EXOSC10: variants seen among roughly 807,000 people sequenced by gnomAD.
EXOSC10 encodes the protein exosome component 10, also known as exosome complex component 10.
A neutral mutation model predicts 126.6 loss-of-function variants in EXOSC10; 94 were observed. The ratio of observed to expected loss-of-function variants is 0.74; its 90% CI spans 0.63 to 0.88. The LOEUF is 0.88. EXOSC10 is among the 40% of genes least tolerant of loss of function. The probability of loss-of-function intolerance (pLI) is 0.00; values close to 1 mark genes in which losing one functional copy is unlikely to be tolerated. For synonymous variants in EXOSC10, 395 were observed against 400.8 expected (o/e 0.99, Z 0.17); for missense variants, 1,041 against 1,100.5 (o/e 0.95, Z 0.77).
intron 19 of EXOSC10, chr1:11,073,225 C>G (rs1047415674): frequency 6.6e-6 from 1 of 152,218 alleles, no homozygotes; most frequent in African/African-American, 2.4e-5. Context: ...CTCCGCCCCC[C>G]AGGTTCAAGC....
At chr1:11,076,778 C>A in intron 17 of EXOSC10, 64 bp downstream of exon 17, 1 of 1,254,920 alleles carries the variant, frequency 8.0e-7, no homozygotes, top group Non-Finnish European at 1.2e-6. Flanking sequence ...AGACAGCCTG[C>A]TGAATAAATC....
Position 11,069,585 on chromosome 1 carries a change from CT to C in EXOSC10, c.2461del (p.Ser821AlafsTer?), listed in dbSNP as rs1233924646. ...PEKEFTPYDY[S>X]QSDFKAFAGN... ...AGCAAAAGCCTTGAAGTCTGACTGG[CT>C]GTAGTCGTAAGGCGTAAACTCTTTT... is the stretch of plus-strand genomic sequence containing the variant. On this transcript the variant is annotated frameshift_variant, in exon 22 of 25. Coordinates refer to ENST00000376936, the MANE Select transcript of EXOSC10 (RefSeq NM_001001998.3). LOFTEE classifies it high-confidence loss of function. 6.2e-7 allele frequency: 1 copy of C among 1,613,596 alleles called. No homozygotes were observed. Among genetic ancestry groups the C allele is most frequent in the Non-Finnish European group, 8.5e-7 (1 of 1,179,980 alleles).
intron 3 of EXOSC10, among the ~76,000 whole-genome samples, chr1:11,093,026 G>C (rs1640887426): frequency 6.6e-6 from 1 of 151,970 alleles, no homozygotes; most frequent in Non-Finnish European, 1.5e-5. Context: ...TTATAATATA[G>C]GTTTATTGAG....
At chr1:11,076,413 A>C (rs1639819995) in intron 17 of EXOSC10, among the ~76,000 whole-genome samples, 1 of 152,148 alleles carries the variant, frequency 6.6e-6, no homozygotes, top group Non-Finnish European at 1.5e-5. Flanking sequence ...GTCAGGCAGG[A>C]AGCTATGGGC....
In EXOSC10 at chr1:11,066,736, G is replaced by T. The variant is rs1370949520; in HGVS notation, c.2640C>A (p.Tyr880Ter). ...TCCAGGACTATCTCTGTGGCCAGTTGTACCTGAAGCCTCTGCAGAGAGTAC... is the reference window on the plus strand; with the variant it reads ...TCCAGGACTATCTCTGTGGCCAGTTTTACCTGAAGCCTCTGCAGAGAGTAC... ...PTGKSDRGFR[Y>*]NWPQR is the part of the protein sequence containing the mutation. The change falls in exon 25 of 25, where the codon TAC becomes TAA. Residue 880 changes from tyrosine to a stop codon, truncating the protein, a stop_gained. Coordinates refer to ENST00000376936, the MANE Select transcript of EXOSC10 (RefSeq NM_001001998.3). LOFTEE classifies it high-confidence loss of function. 6.2e-6 allele frequency: 10 copies of T among 1,614,222 alleles called. No homozygotes were observed. The highest frequency in any genetic ancestry group is 3.3e-4 in the Middle Eastern group (2 of 6,062).
At chr1:11,078,608 T>A (rs1639962500) in intron 14 of EXOSC10, among the ~76,000 whole-genome samples, 1 of 152,174 alleles carries the variant, frequency 6.6e-6, no homozygotes, top group South Asian at 2.1e-4. Context: ...GAAAACTGGC[T>A]GCCATTGTCA....
In EXOSC10 at chr1:11,077,603, C is replaced by T. The variant is rs1557700817; in HGVS notation, c.1798G>A (p.Glu600Lys). ...VKKSGPLPSAERLENVLFGPH... is the reference protein window; with the variant it reads ...VKKSGPLPSAKRLENVLFGPH... Reference sequence around the variant, plus strand: ...AGAAAACAGATCCGACACTCTACCTCAGCACTGGGCAGCGGTCCGCTCTTC... The same window carrying T: ...AGAAAACAGATCCGACACTCTACCTTAGCACTGGGCAGCGGTCCGCTCTTC... Residue 600 changes from glutamate to lysine, a missense_variant and splice_region_variant, in exon 15 of 25, where the codon GAG (glutamate) becomes AAG (lysine). Physicochemically the swap from Glu to Lys is moderately conservative, Grantham distance 56. This residue lies in a region of EXOSC10 where 388 missense variants were observed against 415.2 expected (regional missense o/e 0.93). Transcript: ENST00000376936. The T allele has an allele frequency of 6.2e-7, 1 of 1,613,980 alleles. No homozygotes were observed. The highest frequency in any genetic ancestry group is 8.5e-7 in the Non-Finnish European group (1 of 1,179,948).
chr1:11,096,916 A>C (rs1641130237), intron 2 of EXOSC10, among the ~76,000 whole-genome samples: 1 of 152,112 alleles, frequency 6.6e-6, no homozygotes, highest in South Asian at 2.1e-4. Flanking sequence ...CATCTCTACT[A>C]AAAATACAAA....
chr1:11,078,629 C>A (rs1000755478), intron 14 of EXOSC10, among the ~76,000 whole-genome samples: 3 of 152,174 alleles, frequency 2.0e-5, no homozygotes, highest in African/African-American at 4.8e-5. Flanking sequence ...GCATTTGCTA[C>A]GAAGTCTCAT....
chr1:11,088,347 C>A, intron 6 of EXOSC10, 149 bp from the exon 7 acceptor site: 1 of 584,382 alleles, frequency 1.7e-6, no homozygotes, highest in Non-Finnish European at 3.0e-6. Context: ...TTCAGTAATT[C>A]AACTACAAAT....
chr1:11,072,424 C>T, intron 19 of EXOSC10: 2 of 396,994 alleles, frequency 5.0e-6, no homozygotes, highest in Non-Finnish European at 4.6e-6. Flanking sequence ...CTCTGTAACC[C>T]TGGGAAAAAG....
At chr1:11,074,686 T>C (rs1162377483) in intron 17 of EXOSC10, among the ~76,000 whole-genome samples, 1 of 152,170 alleles carries the variant, frequency 6.6e-6, no homozygotes, top group Non-Finnish European at 1.5e-5. Context: ...GTGCTGGGAT[T>C]ACAGGTGTGA....
At chr1:11,091,220 T>G (rs1192703496) in intron 4 of EXOSC10, 41 bp from the exon 5 acceptor site, 17 of 1,557,246 alleles carry the variant, frequency 1.1e-5, no homozygotes, top group Non-Finnish European at 1.4e-5. Flanking sequence ...CACAGCAACT[T>G]GATGAATTAG....
chr1:11,079,622 G>A, intron 14 of EXOSC10, 89 bp downstream of exon 14: 1 of 1,095,960 alleles, frequency 9.1e-7, no homozygotes. Flanking sequence ...TCGAACTCCT[G>A]ACCTGAAATG....
At chr1:11,095,243 G>A (rs1641013063) in intron 3 of EXOSC10, among the ~76,000 whole-genome samples, 1 of 150,700 alleles carries the variant, frequency 6.6e-6, no homozygotes, top group East Asian at 1.9e-4. Context: ...GCTTCCATGG[G>A]GCAGTAATAT....
chr1:11,067,717 C>G (rs74624408), intron 24 of EXOSC10, among the ~76,000 whole-genome samples: 1 of 152,152 alleles, frequency 6.6e-6, no homozygotes, highest in Non-Finnish European at 1.5e-5. Flanking sequence ...CTATTTACAC[C>G]TATTTTCCCT....
At chr1:11,078,499 C>T (rs964824582) in intron 14 of EXOSC10, among the ~76,000 whole-genome samples, 3 of 151,988 alleles carry the variant, frequency 2.0e-5, no homozygotes, top group African/African-American at 4.8e-5. Flanking sequence ...CCTCGTGATC[C>T]GCCCGCCTCG....
At position 11,068,658 on chromosome 1, in the gene EXOSC10, G is replaced by A; in HGVS notation, c.2537C>T (p.Thr846Ile). 1.2e-6 allele frequency: 2 copies of A among 1,614,136 alleles called. No homozygotes were observed. The highest frequency in any genetic ancestry group is 1.7e-6 in the Non-Finnish European group (2 of 1,179,962). The change falls in exon 23 of 25, where the codon ACC (threonine) becomes ATC (isoleucine). Residue 846 changes from threonine (T) to isoleucine (I), a missense_variant. By Grantham distance (89) the Thr-to-Ile change is moderately conservative. Around this residue, in one of 3 missense-constraint regions of EXOSC10, gnomAD observed 388 missense variants for 415.2 expected, o/e 0.93. Transcript: ENST00000376936. ...AGCAGTTCTTACCTTGCCAGACGGG[G>A]TCTGTTTATTTGGATCAAACTGAGA... ...VSSQFDPNKQTPSGKKCIAAK... is the reference protein window; with the variant it reads ...VSSQFDPNKQIPSGKKCIAAK...
chr1:11,081,863 A>G (rs1640184229), intron 10 of EXOSC10, among the ~76,000 whole-genome samples: 1 of 152,056 alleles, frequency 6.6e-6, no homozygotes. Context: ...CGGGAGGATC[A>G]CCTGAGGTCA....
Sources: gnomAD v4.1 joint callset for allele counts (sites outside exome capture counted in the v4.1 genomes callset) on GRCh38, gnomAD v4.1.1 for gene constraint, gnomAD v4.1.1 regional missense constraint, MANE v1.5 for transcripts, NCBI Gene and HGNC (gene_info 2026-07-23, HGNC 2026-07-21) for gene names.